Variants in PPM1L observed in about 807,000 individuals in gnomAD.
PPM1L encodes protein phosphatase, Mg2+/Mn2+ dependent 1L.
In PPM1L, 13 loss-of-function variants were observed where a neutral mutation model predicts 31.4. The observed-to-expected ratio is 0.41, with a 90% confidence interval of 0.27 to 0.66. The LOEUF (loss-of-function observed/expected upper bound fraction) is 0.66, where lower values mean the gene tolerates loss of function less well. Among genes scored for constraint, PPM1L ranks in the 30% least tolerant of loss-of-function variants. The pLI, the probability that PPM1L is intolerant of heterozygous loss-of-function variation, is 0.29. For synonymous variants in PPM1L, 184 were observed against 175.4 expected, an observed-to-expected ratio of 1.05 and a Z score of -0.39; for missense variants, 326 against 453.7, an observed-to-expected ratio of 0.72 and a Z score of 2.56.
chr3:160,780,340 T>G (rs1236842466), intron 1 of PPM1L, among the ~76,000 whole-genome samples: 1 of 152,220 alleles, frequency 6.6e-6, no homozygotes. Context: ...CAAAATTTCA[T>G]CAGCCCCTGA....
chr3:161,018,410 C>T (rs1055054424), intron 2 of PPM1L, among the ~76,000 whole-genome samples: 2 of 152,056 alleles, frequency 1.3e-5, no homozygotes, highest in Non-Finnish European at 2.9e-5. Flanking sequence ...TCTCTTCTTT[C>T]TATGAACATG....
At chr3:160,857,153 A>G (rs894024142) in intron 1 of PPM1L, among the ~76,000 whole-genome samples, 1 of 152,218 alleles carries the variant, frequency 6.6e-6, no homozygotes, top group African/African-American at 2.4e-5. Flanking sequence ...GTTTCCAGGA[A>G]AAATACGGAA....
chr3:160,775,059 T>C (rs1209978587), intron 1 of PPM1L, among the ~76,000 whole-genome samples: 1 of 152,198 alleles, frequency 6.6e-6, no homozygotes, highest in East Asian at 1.9e-4. Flanking sequence ...CTGTTAAGTG[T>C]CTGCAATGTG....
intron 1 of PPM1L, among the ~76,000 whole-genome samples, chr3:160,789,755 T>C (rs1712044561): frequency 6.6e-6 from 1 of 152,016 alleles, no homozygotes; most frequent in South Asian, 2.1e-4. Context: ...ATAAATTACA[T>C]TGGTAGATCT....
chr3:161,026,716 A>G (rs943669731), intron 2 of PPM1L, among the ~76,000 whole-genome samples: 6 of 151,938 alleles, frequency 3.9e-5, no homozygotes, highest in African/African-American at 7.2e-5. Context: ...AAAAAAAGAA[A>G]ATTGACAAGG....
rs1713586586 is a variant in PPM1L, at chr3:160,902,683, A to G, written c.400-59053A>G. Among the ~76,000 whole-genome samples, 2 of 152,158 alleles carry G rather than the reference A, an allele frequency of 1.3e-5. 1 individual carries two copies. The highest frequency in any genetic ancestry group is 4.1e-4 in the South Asian group (2 of 4,826). On this transcript the variant is annotated intron_variant, in intron 1 of 3. Coordinates refer to ENST00000498165, the MANE Select transcript of PPM1L (RefSeq NM_139245.4). ...GACTGAATTTCTGGACCCACTTCCC[A>G]TTCAAACTGTTTTTTTGAAAAACAG...
At chr3:161,044,952 A>G (rs925322261) in intron 2 of PPM1L, among the ~76,000 whole-genome samples, 1 of 152,222 alleles carries the variant, frequency 6.6e-6, no homozygotes, top group Non-Finnish European at 1.5e-5. Context: ...GGAAAACAAA[A>G]AAAGGCAGGA....
At position 161,075,635 on chromosome 3, in the gene PPM1L, AAAGC is replaced by A. The variant is rs1720073273; in HGVS notation, c.*6480_*6483del. 1 of 152,264 alleles carries A rather than the reference AAAGC, an allele frequency of 6.6e-6. No individual in the cohort carries two copies. 9.4% of individuals were successfully genotyped at this position (152,264 alleles called of 1,614,324 possible). On this transcript the variant is annotated 3_prime_UTR_variant, in exon 4 of 4. Coordinates refer to ENST00000498165, the MANE Select transcript of PPM1L (RefSeq NM_139245.4). ...TGTGGTCAAAATTAGAATGTAAAGG[AAAGC>A]ATTTTTAAGAAAATACAGAAGCCCA...
At chr3:160,913,185 G>A (rs1300630198) in intron 1 of PPM1L, among the ~76,000 whole-genome samples, 1 of 152,082 alleles carries the variant, frequency 6.6e-6, no homozygotes, top group East Asian at 1.9e-4. Context: ...CCCCCCAACA[G>A]GTAGAAGAGT....
At chr3:160,976,434 G>T (rs1315889644) in intron 2 of PPM1L, among the ~76,000 whole-genome samples, 2 of 144,214 alleles carry the variant, frequency 1.4e-5, no homozygotes, top group African/African-American at 2.6e-5. Flanking sequence ...GATTGGAATA[G>T]TTTCAGAAGG....
At chr3:161,008,378 A>C (rs1717783817) in intron 2 of PPM1L, among the ~76,000 whole-genome samples, 1 of 152,240 alleles carries the variant, frequency 6.6e-6, no homozygotes. Context: ...CTTTTTGTCC[A>C]ATCACATTTC....
chr3:161,050,455 T>C (rs1719237569), intron 2 of PPM1L, among the ~76,000 whole-genome samples: 1 of 152,206 alleles, frequency 6.6e-6, no homozygotes, highest in African/African-American at 2.4e-5. Context: ...TCAGAAAAGT[T>C]TTTTTAAAAA....
rs576069407 is a variant in PPM1L, at chr3:161,027,782, T to C, written c.575-37621T>C. ...CAAAAGTCCCTCCAGGTGAATCTTA[T>C]GTACATCTAAGTTTGCAAAAAGAGA... On this transcript the variant is annotated intron_variant, in intron 2 of 3. Coordinates refer to ENST00000498165, the MANE Select transcript of PPM1L (RefSeq NM_139245.4). Among the ~76,000 whole-genome samples the C allele has an allele frequency of 5.9e-5, 9 of 152,290 alleles. No homozygotes were observed. In the South Asian group the frequency reaches 1.0e-3, roughly 18 times the overall value.
chr3:160,849,712 C>G (rs1300360337), intron 1 of PPM1L, among the ~76,000 whole-genome samples: 1 of 151,774 alleles, frequency 6.6e-6, no homozygotes, highest in Non-Finnish European at 1.5e-5. Flanking sequence ...GCGCCCGCCA[C>G]CACGCCCGGC....
At chr3:161,038,097 A>G (rs1323258197) in intron 2 of PPM1L, among the ~76,000 whole-genome samples, 2 of 151,140 alleles carry the variant, frequency 1.3e-5, no homozygotes, top group South Asian at 2.1e-4. Context: ...AGCCGGGCGT[A>G]GTGGCGGGCG....
intron 1 of PPM1L, among the ~76,000 whole-genome samples, chr3:160,924,601 G>T (rs1194637097): frequency 6.6e-6 from 1 of 152,168 alleles, no homozygotes; most frequent in East Asian, 1.9e-4. Flanking sequence ...TTTAGCTTAG[G>T]TGTTAGAAAA....
In PPM1L at chr3:160,944,879, C is replaced by T. The variant is rs1452831371; in HGVS notation, c.400-16857C>T. 7.2e-3 allele frequency among the ~76,000 whole-genome samples: 127 copies of T among 17,568 alleles called. 7 individuals are homozygous for T. Among genetic ancestry groups the T allele is most frequent in the African/African-American group, 0.016 (104 of 6,576 alleles). The allele number at this position is 17,568 out of a possible 152,430, so 11.5% of individuals were successfully genotyped here. The stretch of plus-strand genomic sequence containing the variant: ...ATATTATATATAATGTTATATATAA[C>T]ATATATATTATATATAACTGATGTT... On this transcript the variant is annotated intron_variant, in intron 1 of 3. Coordinates refer to ENST00000498165, the MANE Select transcript of PPM1L (RefSeq NM_139245.4).
intron 1 of PPM1L, among the ~76,000 whole-genome samples, chr3:160,814,190 C>T (rs896215412): frequency 6.6e-6 from 1 of 152,110 alleles, no homozygotes; most frequent in Non-Finnish European, 1.5e-5. Context: ...TTGCCTTCCC[C>T]TCATCTACAG....
At chr3:161,010,313 C>G (rs181049785) in intron 2 of PPM1L, among the ~76,000 whole-genome samples, 366 of 152,276 alleles carry the variant, frequency 2.4e-3, no homozygotes, top group Middle Eastern at 0.017. Flanking sequence ...TCATTCATGT[C>G]CCTACAAAGG....
Sources: gnomAD v4.1 joint callset for allele counts (sites outside exome capture counted in the v4.1 genomes callset) on GRCh38, gnomAD v4.1.1 for gene constraint, MANE v1.5 for transcripts, NCBI Gene and HGNC (gene_info 2026-07-23, HGNC 2026-07-21) for gene names.